The following CPED1 variants were observed in gnomAD, a reference collection of about 807,000 sequenced individuals.
The protein encoded by CPED1 is cadherin like and PC-esterase domain containing 1, also known as cadherin-like and PC-esterase domain-containing protein 1.
In CPED1, 114 loss-of-function variants were observed where a neutral mutation model predicts 128.2. The ratio of observed to expected loss-of-function variants is 0.89; its 90% CI spans 0.76 to 1.04. The LOEUF is 1.04. CPED1 is among the 50% of genes least tolerant of loss of function. The pLI is 0.00. For missense variants in CPED1, 1,211 were observed against 1,207.1 expected (o/e 1.00, Z -0.05); for synonymous variants, 462 against 426.7 (o/e 1.08, Z -1.02).
intron 16 of CPED1, among the ~76,000 whole-genome samples, chr7:121,222,531 TAAATTAC>T (rs1797906671): frequency 6.6e-6 from 1 of 152,200 alleles, no homozygotes; most frequent in South Asian, 2.1e-4. Flanking sequence ...ATTGAATCTA[TAAATTAC>T]CTTTGGCAGT....
intron 18 of CPED1, among the ~76,000 whole-genome samples, chr7:121,257,233 A>G (rs555971452): frequency 6.0e-4 from 91 of 152,150 alleles, no homozygotes; most frequent in African/African-American, 2.1e-3. Context: ...AGTTTGGGGA[A>G]AAAAAGACAA....
rs754119316 is a variant in CPED1, at chr7:121,099,991, T to C, written c.815T>C (p.Leu272Pro). The C allele has an allele frequency of 2.5e-6, 4 of 1,613,776 alleles. No individual in the cohort carries two copies. ...CGAGCCGAAGATCTATCTGTGATTC[T>C]TAAAGCGTATGTGTTGGTGACGTCC... ...IFRAEDLSVI[L>P]KAYVLVTSLT... The change falls in exon 7 of 23, where the codon CTT becomes CCT. Residue 272 changes from leucine to proline, a missense_variant. Leu to Pro is a moderately conservative substitution (Grantham distance 98). Coordinates refer to ENST00000310396, the MANE Select transcript of CPED1 (RefSeq NM_024913.5).
chr7:121,100,560 T>TAGC (rs1476736966), intron 7 of CPED1, among the ~76,000 whole-genome samples: 1 of 152,122 alleles, frequency 6.6e-6, no homozygotes, highest in Non-Finnish European at 1.5e-5. Context: ...GTGCCTAATA[T>TAGC]AGCAAGCTAT....
intron 4 of CPED1, among the ~76,000 whole-genome samples, chr7:121,057,837 G>A (rs549955325): frequency 6.6e-6 from 1 of 152,314 alleles, no homozygotes; most frequent in Non-Finnish European, 1.5e-5. Flanking sequence ...TTTATGGGTA[G>A]ACGGGGGAAA....
intron 7 of CPED1, among the ~76,000 whole-genome samples, chr7:121,104,880 T>C (rs1209294379): frequency 1.3e-5 from 2 of 152,114 alleles, no homozygotes; most frequent in African/African-American, 4.8e-5. Context: ...ATACATGATA[T>C]AGGTAAATAT....
intron 3 of CPED1, among the ~76,000 whole-genome samples, chr7:121,029,183 T>C (rs1250207387): frequency 6.6e-6 from 1 of 152,192 alleles, no homozygotes. Flanking sequence ...TGTAAATCTT[T>C]GTCCACATTC....
chr7:121,139,406 AT>A (rs1795852263), intron 14 of CPED1, among the ~76,000 whole-genome samples: 1 of 149,720 alleles, frequency 6.7e-6, no homozygotes, highest in African/African-American at 2.5e-5. Flanking sequence ...TTTTTTTTTC[AT>A]TTTAATTGTA....
At chr7:120,995,927 CCTT>C (rs1796391614) in intron 2 of CPED1, among the ~76,000 whole-genome samples, 4 of 144,192 alleles carry the variant, frequency 2.8e-5, no homozygotes, top group African/African-American at 1.0e-4. Context: ...TTCTCCTCCT[CCTT>C]CTCCTCCTCC....
intron 5 of CPED1, among the ~76,000 whole-genome samples, chr7:121,094,821 A>G (rs1247656196): frequency 1.3e-5 from 2 of 152,194 alleles, no homozygotes; most frequent in African/African-American, 4.8e-5. Flanking sequence ...GATATTGAAA[A>G]GCAGGCTTCA....
chr7:121,274,431 TAACTC>T (rs1036553460), intron 22 of CPED1, among the ~76,000 whole-genome samples: 3 of 147,062 alleles, frequency 2.0e-5, no homozygotes, highest in Admixed American at 7.0e-5. Flanking sequence ...CGCTTTTTCT[TAACTC>T]TATTTCTGAT....
chr7:121,140,918 C>A lies in CPED1; in HGVS notation c.1791C>A (p.Tyr597Ter). The change falls in exon 15 of 23, where the codon TAC becomes TAA. Residue 597 changes from tyrosine to a stop codon, truncating the protein, a stop_gained. Transcript: ENST00000310396. LOFTEE classifies it high-confidence loss of function. Reference protein sequence around the residue: ...PDFHPKIKDYYCEVPFDVVTV... With the variant: ...PDFHPKIKDY ...TTCATCCAAAGATCAAAGATTATTA[C>A]TGTGAAGTCCCATTTGATGTGGTAA... The A allele has an allele frequency of 6.2e-7, 1 of 1,612,388 alleles. No homozygotes were observed. Among genetic ancestry groups the A allele is most frequent in the Non-Finnish European group, 8.5e-7 (1 of 1,178,934 alleles).
At chr7:121,103,618 C>T (rs781643319) in intron 7 of CPED1, among the ~76,000 whole-genome samples, 5 of 152,108 alleles carry the variant, frequency 3.3e-5, no homozygotes, top group East Asian at 1.9e-4. Flanking sequence ...AAACTACCCA[C>T]GCTATACCAG....
intron 2 of CPED1, among the ~76,000 whole-genome samples, chr7:120,993,043 G>A (rs554411628): frequency 6.6e-6 from 1 of 152,282 alleles, no homozygotes; most frequent in Non-Finnish European, 1.5e-5. Flanking sequence ...CAAAGGGCTT[G>A]GCTAAGCAGA....
At chr7:121,245,555 A>G (rs904983637) in intron 18 of CPED1, among the ~76,000 whole-genome samples, 1 of 152,192 alleles carries the variant, frequency 6.6e-6, no homozygotes, top group Non-Finnish European at 1.5e-5. Flanking sequence ...TTATCAAGTA[A>G]ATGAATAAAT....
At chr7:121,266,582 A>C in intron 19 of CPED1, 125 bp from the exon 20 acceptor site, 1 of 1,153,270 alleles carries the variant, frequency 8.7e-7, no homozygotes, top group Non-Finnish European at 1.3e-6. Flanking sequence ...AGCAGAAAAC[A>C]AGTTGGAAAG....
intron 16 of CPED1, among the ~76,000 whole-genome samples, chr7:121,230,106 G>T (rs17284918): frequency 4.0e-5 from 6 of 151,794 alleles, no homozygotes; most frequent in African/African-American, 1.5e-4. Flanking sequence ...ACATATTGGT[G>T]GTCCATAGAA....
chr7:121,206,611 T>C (rs1524502), intron 16 of CPED1, among the ~76,000 whole-genome samples: 56,500 of 151,704 alleles, frequency 0.37, 10,876 homozygotes, highest in Middle Eastern at 0.51. Flanking sequence ...TTTTTATTTA[T>C]TATAAATATT....
At chr7:121,149,077 T>C (rs542645914) in intron 16 of CPED1, among the ~76,000 whole-genome samples, 24 of 152,318 alleles carry the variant, frequency 1.6e-4, no homozygotes, top group Non-Finnish European at 2.9e-4. Flanking sequence ...TTAAGTGCCC[T>C]TGATTTAAAT....
chr7:121,157,063 G>T (rs1032620427), intron 16 of CPED1, among the ~76,000 whole-genome samples: 1 of 152,186 alleles, frequency 6.6e-6, no homozygotes. Flanking sequence ...TAGCAATTAT[G>T]TTTCTGGAGA....
Sources: gnomAD v4.1 joint callset for allele counts (sites outside exome capture counted in the v4.1 genomes callset) on GRCh38, gnomAD v4.1.1 for gene constraint, MANE v1.5 for transcripts, NCBI Gene and HGNC (gene_info 2026-07-23, HGNC 2026-07-21) for gene names.